AKNA: variants seen among roughly 807,000 people sequenced by gnomAD.
The protein encoded by AKNA is microtubule organization protein AKNA.
In AKNA, 67 loss-of-function variants were observed where a neutral mutation model predicts 138.8. That is an observed-to-expected ratio of 0.48 (90% CI 0.40 to 0.59). The LOEUF (loss-of-function observed/expected upper bound fraction) is 0.59. Among genes scored for constraint, AKNA ranks in the 20% least tolerant of loss-of-function variants. AKNA has a pLI of 0.00. For synonymous variants in AKNA, 737 were observed against 754.4 expected (o/e 0.98, Z 0.38); for missense variants, 1,813 against 1,880.4 (o/e 0.96, Z 0.66).
upstream of AKNA, among the ~76,000 whole-genome samples, chr9:114,389,804 G>A (rs1265314026): frequency 2.0e-5 from 3 of 152,214 alleles, no homozygotes; most frequent in Non-Finnish European, 4.4e-5. Flanking sequence ...ATGAGTGGAC[G>A]TTCCCAAGGT....
At chr9:114,378,260 C>A (rs917908008) in intron 2 of AKNA, among the ~76,000 whole-genome samples, 5 of 152,230 alleles carry the variant, frequency 3.3e-5, no homozygotes, top group Admixed American at 2.6e-4. Flanking sequence ...GCCTAGTTAA[C>A]TCCTATCTGT....
At chr9:114,383,876 G>A (rs1233312208) in intron 1 of AKNA, among the ~76,000 whole-genome samples, 2 of 152,170 alleles carry the variant, frequency 1.3e-5, no homozygotes, top group African/African-American at 4.8e-5. Flanking sequence ...CTGCTCTGTG[G>A]ATGGGTGTTC....
chr9:114,350,319 C>A (rs573947224), intron 15 of AKNA, among the ~76,000 whole-genome samples: 4 of 152,114 alleles, frequency 2.6e-5, no homozygotes, highest in Non-Finnish European at 5.9e-5. Context: ...GTCTCCCCAG[C>A]GCATCCCGGG....
chr9:114,371,470 C>G (rs1212944231), intron 4 of AKNA, among the ~76,000 whole-genome samples: 3 of 152,234 alleles, frequency 2.0e-5, no homozygotes, highest in Non-Finnish European at 4.4e-5. Flanking sequence ...TGTCTCCACA[C>G]CCAGTGCCAG....
intron 20 of AKNA, 89 bp from the exon 21 acceptor site, chr9:114,341,814 A>C: frequency 7.0e-7 from 1 of 1,422,670 alleles, no homozygotes; most frequent in Non-Finnish European, 9.5e-7. Flanking sequence ...CCCTTCCCCT[A>C]TGAGAGCTGG....
rs34565416 is a variant in AKNA at position 114,373,724 on chromosome 9, G to GAA, written c.1416+367_1416+368dup. ...TAAGACCCCGTCTCTACAAAACATT[G>GAA]AAAAAAAAAAAATTAGCAGGGAATA... On this transcript the variant is annotated intron_variant, in intron 4 of 21. Transcript: ENST00000374088. Among the ~76,000 whole-genome samples the GAA allele has an allele frequency of 1.0e-4, 15 of 143,592 alleles. No individual in the cohort carries two copies. In the South Asian group the frequency reaches 1.6e-3, roughly 15 times the overall value. 94.2% of individuals were successfully genotyped at this position (143,592 alleles called of 152,430 possible).
At chr9:114,382,595 A>AC (rs1490570182) in intron 1 of AKNA, among the ~76,000 whole-genome samples, 6 of 151,966 alleles carry the variant, frequency 3.9e-5, no homozygotes, top group African/African-American at 1.5e-4. Flanking sequence ...AAGGAAAAAA[A>AC]AAAAAAAAAA....
At position 114,356,888 on chromosome 9, in the gene AKNA, G is replaced by A; in HGVS notation, c.2821C>T (p.Pro941Ser). 1 of 1,564,706 alleles carries A rather than the reference G, an allele frequency of 6.4e-7. No individual in the cohort carries two copies. Among genetic ancestry groups the A allele is most frequent in the South Asian group, 1.2e-5 (1 of 83,680 alleles). The change falls in exon 13 of 22, where the codon CCA becomes TCA. Residue 941 changes from proline to serine, a missense_variant. By Grantham distance (74) the Pro-to-Ser change is moderately conservative (BLOSUM62 -1). Transcript: ENST00000374088. ...TSRVSPLTQT[P>S]EHRLSHISTA... is the part of the protein sequence containing the mutation. Reference sequence around the variant, plus strand: ...CTGATGTGGGAGAGCCGGTGCTCTGGAGTCTGGGTGAGGGGTGAAACTCTG... The same window carrying A: ...CTGATGTGGGAGAGCCGGTGCTCTGAAGTCTGGGTGAGGGGTGAAACTCTG...
chr9:114,368,593 C>T lies in AKNA; in HGVS notation c.1419G>A (p.Val473=). 7.3e-7 allele frequency: 1 copy of T among 1,376,084 alleles called. No individual in the cohort carries two copies. Among genetic ancestry groups the T allele is most frequent in the South Asian group, 2.1e-5 (1 of 47,770 alleles). The allele number at this position is 1,376,084 out of a possible 1,614,324, so 85.2% of individuals were successfully genotyped here. Residue 473 remains valine (V), a splice_region_variant and synonymous_variant, in exon 5 of 22, where the codon GTG becomes GTA. Transcript: ENST00000374088. ...TIDQLRLGAK[V]NLFSDPPQPN... ...GCTGGGGTGGGTCAGAGAACAGGTT[C>T]ACCTGTGGAAGCAGGGAGGCACAGC...
chr9:114,340,886 G>A (rs999210795), intron 21 of AKNA, among the ~76,000 whole-genome samples: 17 of 152,338 alleles, frequency 1.1e-4, no homozygotes, highest in Non-Finnish European at 1.9e-4. Flanking sequence ...CCGAGGGGGC[G>A]TAAGGAGGCA....
chr9:114,372,402 C>T (rs868771696), intron 4 of AKNA, among the ~76,000 whole-genome samples: 20 of 152,190 alleles, frequency 1.3e-4, no homozygotes, highest in African/African-American at 4.3e-4. Context: ...CTGTGCTCCC[C>T]CGTGTCCACC....
At chr9:114,359,395 G>A (rs1424084689) in intron 11 of AKNA, 199 bp downstream of exon 11, 1 of 1,021,060 alleles carries the variant, frequency 9.8e-7, no homozygotes, top group East Asian at 2.6e-5. Context: ...AATACTGCAT[G>A]TGTCCTACTG....
At chr9:114,330,864 T>C (rs78692008), downstream of AKNA, 1 of 1,613,294 alleles carries the variant, frequency 6.2e-7, no homozygotes, top group Non-Finnish European at 8.5e-7. Context: ...CCAGATACGG[T>C]GAGGGCCAGC....
upstream of AKNA, among the ~76,000 whole-genome samples, chr9:114,390,123 G>A (rs1372476726): frequency 2.0e-5 from 3 of 152,148 alleles, no homozygotes; most frequent in Non-Finnish European, 4.4e-5. Context: ...GGCATAGCCT[G>A]TGGCCCCTGG....
chr9:114,373,195 A>G (rs925763223), intron 4 of AKNA, among the ~76,000 whole-genome samples: 2 of 152,196 alleles, frequency 1.3e-5, no homozygotes, highest in African/African-American at 4.8e-5. Context: ...GGCACAGCAA[A>G]AGCAGGAAGC....
chr9:114,376,533 G>T lies in AKNA; in HGVS notation c.1274C>A (p.Pro425His). The change falls in exon 3 of 22, where the codon CCT becomes CAT. Residue 425 changes from proline (P) to histidine (H), a missense_variant. Transcript: ENST00000374088. ...AAATTCTTGGGGTACCCTGGTGATAGGGTGGGCAGGAGGCGTGTCCTTTGC... is the reference window on the plus strand; with the variant it reads ...AAATTCTTGGGGTACCCTGGTGATATGGTGGGCAGGAGGCGTGTCCTTTGC... ...ALAKDTPPAHPITRVPQEFQT... is the reference protein window; with the variant it reads ...ALAKDTPPAHHITRVPQEFQT... 6.2e-7 allele frequency: 1 copy of T among 1,614,058 alleles called. No homozygotes were observed. The highest frequency in any genetic ancestry group is 8.5e-7 in the Non-Finnish European group (1 of 1,179,976).
chr9:114,342,614 A>G (rs1306573001), intron 19 of AKNA, among the ~76,000 whole-genome samples: 1 of 151,812 alleles, frequency 6.6e-6, no homozygotes, highest in Non-Finnish European at 1.5e-5. Flanking sequence ...GAACAGGAGG[A>G]GAGTGGGTGC....
chr9:114,356,885 C>T lies in AKNA; in HGVS notation c.2824G>A (p.Glu942Lys), dbSNP rs150349533. Residue 942 changes from glutamate to lysine, a missense_variant, in exon 13 of 22, where the codon GAG becomes AAG. Coordinates refer to ENST00000374088, the MANE Select transcript of AKNA (RefSeq NM_001317950.2). ...TACCTGATGTGGGAGAGCCGGTGCT[C>T]TGGAGTCTGGGTGAGGGGTGAAACT... ...SRVSPLTQTP[E>K]HRLSHISTAG... The T allele has an allele frequency of 6.2e-5, 97 of 1,563,924 alleles. No homozygotes were observed. The African/African-American group carries it at 1.1e-3, about 18-fold the overall frequency.
intron 4 of AKNA, 95 bp downstream of exon 4, chr9:114,373,998 G>T: frequency 7.6e-7 from 1 of 1,316,854 alleles, no homozygotes; most frequent in Non-Finnish European, 1.1e-6. Flanking sequence ...GGCCTCAGTA[G>T]ATGGAGGAGG....
Sources: allele counts gnomAD v4.1 joint callset (sites outside exome capture counted in the v4.1 genomes callset), GRCh38; gene constraint gnomAD v4.1.1; transcripts MANE v1.5; gene names NCBI Gene and HGNC (gene_info 2026-07-23, HGNC 2026-07-21).